The following DLGAP4 variants were observed in gnomAD, a reference collection of about 807,000 sequenced individuals.
The protein encoded by DLGAP4 is disks large-associated protein 4.
A neutral mutation model predicts 86.9 loss-of-function variants in DLGAP4; 18 were observed. That is an observed-to-expected ratio of 0.21 (90% CI 0.14 to 0.31). The LOEUF is 0.31. DLGAP4 is among the 10% of genes least tolerant of loss of function. The pLI is 1.00. For synonymous variants in DLGAP4, 548 were observed against 574.3 expected (o/e 0.95, Z 0.65); for missense variants, 1,085 against 1,362.6 (o/e 0.80, Z 3.21).
At chr20:36,409,012 A>G (rs2032406296) in intron 2 of DLGAP4, among the ~76,000 whole-genome samples, 1 of 151,514 alleles carries the variant, frequency 6.6e-6, no homozygotes, top group South Asian at 2.1e-4. Context: ...AGAATAATCT[A>G]AAACTATTGC....
intron 1 of DLGAP4, among the ~76,000 whole-genome samples, chr20:36,361,175 G>A (rs1555894207): frequency 6.6e-6 from 1 of 152,124 alleles, no homozygotes; most frequent in Non-Finnish European, 1.5e-5. Context: ...GCGGAGAGGA[G>A]AAACAAGGTG....
chr20:36,487,730 C>T (rs2035478842), intron 7 of DLGAP4, among the ~76,000 whole-genome samples: 1 of 152,184 alleles, frequency 6.6e-6, no homozygotes, highest in South Asian at 2.1e-4. Context: ...GAAAGGCCCC[C>T]AGATTGCCTC....
chr20:36,517,374 C>T (rs1408162145), intron 10 of DLGAP4, among the ~76,000 whole-genome samples: 1 of 152,248 alleles, frequency 6.6e-6, no homozygotes, highest in East Asian at 1.9e-4. Context: ...CAAAGCGATT[C>T]TCCTGCCTCA....
intron 1 of DLGAP4, among the ~76,000 whole-genome samples, chr20:36,327,721 A>G (rs10439561): frequency 0.081 from 11,744 of 145,462 alleles, 1,299 homozygotes; most frequent in African/African-American, 0.25. Flanking sequence ...CCTCCCAAGT[A>G]GCTGGGACTA....
intron 10 of DLGAP4, among the ~76,000 whole-genome samples, chr20:36,520,437 C>T (rs1180640664): frequency 2.0e-5 from 3 of 152,058 alleles, no homozygotes; most frequent in Non-Finnish European, 4.4e-5. Context: ...CCTCCACCTC[C>T]CAGGTTCAAG....
At chr20:36,518,376 G>T (rs865814483) in intron 10 of DLGAP4, among the ~76,000 whole-genome samples, 2 of 152,036 alleles carry the variant, frequency 1.3e-5, no homozygotes, top group Admixed American at 6.6e-5. Flanking sequence ...GTCTGACAGG[G>T]TTTGTTAATT....
intron 2 of DLGAP4, among the ~76,000 whole-genome samples, chr20:36,391,917 G>A (rs1323065530): frequency 6.6e-6 from 1 of 152,218 alleles, no homozygotes; most frequent in Non-Finnish European, 1.5e-5. Flanking sequence ...AGAAATCTCA[G>A]TTAAATCACG....
In DLGAP4 at chr20:36,309,408, C is replaced by A. The variant is rs1203549135; in HGVS notation, c.-304+2896C>A. 2.0e-5 allele frequency among the ~76,000 whole-genome samples: 3 copies of A among 152,304 alleles called. No individual in the cohort carries two copies. In the East Asian group the frequency reaches 5.8e-4, roughly 29 times the overall value. On this transcript the variant is annotated intron_variant, in intron 1 of 12. Coordinates refer to ENST00000339266, the MANE Select transcript of DLGAP4 (RefSeq NM_001365621.2). ...ATCCATTTCTTTTGACTTTTGACGACCTGGTCCATTCTGAGTGGAGGGCTG... is the reference window on the plus strand; with the variant it reads ...ATCCATTTCTTTTGACTTTTGACGAACTGGTCCATTCTGAGTGGAGGGCTG...
chr20:36,332,455 T>G (rs1410956357), intron 1 of DLGAP4, among the ~76,000 whole-genome samples: 2 of 152,158 alleles, frequency 1.3e-5, no homozygotes, highest in Non-Finnish European at 2.9e-5. Flanking sequence ...AGTGGCACGA[T>G]CTCTGTTCAC....
At chr20:36,502,332 C>T (rs1454683858) in intron 10 of DLGAP4, among the ~76,000 whole-genome samples, 2 of 152,144 alleles carry the variant, frequency 1.3e-5, no homozygotes, top group Non-Finnish European at 2.9e-5. Context: ...TTAAAAAATA[C>T]ACTCCATTTG....
At chr20:36,364,964 G>A (rs1427802850) in intron 1 of DLGAP4, among the ~76,000 whole-genome samples, 1 of 152,034 alleles carries the variant, frequency 6.6e-6, no homozygotes, top group Non-Finnish European at 1.5e-5. Context: ...GTGTGGTGGT[G>A]CATGCCTGTA....
intron 2 of DLGAP4, among the ~76,000 whole-genome samples, chr20:36,386,737 C>A (rs1005784717): frequency 6.6e-6 from 1 of 152,140 alleles, no homozygotes; most frequent in African/African-American, 2.4e-5. Context: ...TAGGTGTGCA[C>A]TACCATGCCC....
chr20:36,498,982 G>A (rs1001644922), intron 8 of DLGAP4: 10 of 471,038 alleles, frequency 2.1e-5, no homozygotes, highest in East Asian at 1.6e-4. Flanking sequence ...TCAGCCAAGT[G>A]TGAATAACGT....
At chr20:36,426,351 C>G (rs1192833196) in intron 2 of DLGAP4, among the ~76,000 whole-genome samples, 1 of 152,096 alleles carries the variant, frequency 6.6e-6, no homozygotes. Context: ...CCGTTCTCCA[C>G]TAAAAATACA....
At chr20:36,374,296 T>C (rs765356410) in intron 2 of DLGAP4, among the ~76,000 whole-genome samples, 3 of 151,980 alleles carry the variant, frequency 2.0e-5, no homozygotes, top group African/African-American at 4.8e-5. Context: ...GATGTGCATA[T>C]AGGGGCTGTG....
At chr20:36,334,923 G>A (rs557796323) in intron 1 of DLGAP4, among the ~76,000 whole-genome samples, 1 of 152,232 alleles carries the variant, frequency 6.6e-6, no homozygotes, top group East Asian at 1.9e-4. Context: ...GCCTGAGCCC[G>A]ATTGCCCCCC....
chr20:36,382,527 C>CTTTTTTTTTTTTTTTTTT (rs749210064), intron 2 of DLGAP4, among the ~76,000 whole-genome samples: 2 of 110,472 alleles, frequency 1.8e-5, no homozygotes, highest in Non-Finnish European at 1.8e-5. Flanking sequence ...TTCTTTTTTT[C>CTTTTTTTTTTTTTTTTTT]TTTTTTTTTT....
intron 1 of DLGAP4, among the ~76,000 whole-genome samples, chr20:36,330,871 C>A (rs960129383): frequency 8.5e-5 from 13 of 152,226 alleles, no homozygotes; most frequent in Non-Finnish European, 4.4e-5. Context: ...CCACGCCCGG[C>A]CGACTTTTGA....
At chr20:36,520,124 G>C (rs893616502) in intron 10 of DLGAP4, among the ~76,000 whole-genome samples, 1 of 152,058 alleles carries the variant, frequency 6.6e-6, no homozygotes, top group African/African-American at 2.4e-5. Context: ...TTATGGTTTT[G>C]ATGTGCAGTT....
Sources: gnomAD v4.1 joint callset for allele counts (sites outside exome capture counted in the v4.1 genomes callset) on GRCh38, gnomAD v4.1.1 for gene constraint, MANE v1.5 for transcripts, NCBI Gene and HGNC (gene_info 2026-07-23, HGNC 2026-07-21) for gene names.